The following SLC6A11 variants were observed in gnomAD, a reference collection of about 807,000 sequenced individuals.
SLC6A11 encodes solute carrier family 6 member 11, also known as sodium- and chloride-dependent GABA transporter 3.
In SLC6A11, 25 loss-of-function variants were observed where a neutral mutation model predicts 74.8. The observed-to-expected ratio is 0.33, with a 90% CI of 0.24 to 0.47. The LOEUF (loss-of-function observed/expected upper bound fraction) is 0.47, where lower values mean the gene tolerates loss of function less well. Among genes scored for constraint, SLC6A11 ranks in the 20% least tolerant of loss-of-function variants. The pLI is 1.00. For synonymous variants in SLC6A11, 330 were observed against 330.2 expected, an observed-to-expected ratio of 1.00 and a Z score of 0.01; for missense variants, 574 against 837.0, an observed-to-expected ratio of 0.69 and a Z score of 3.88.
At chr3:10,935,734 T>C (rs1695752847) in intron 13 of SLC6A11, among the ~76,000 whole-genome samples, 1 of 152,232 alleles carries the variant, frequency 6.6e-6, no homozygotes. Flanking sequence ...GCAGATCACA[T>C]GGTTAAAGAC....
chr3:10,916,087 C>G (rs1294639910), intron 7 of SLC6A11, among the ~76,000 whole-genome samples: 1 of 152,206 alleles, frequency 6.6e-6, no homozygotes, highest in Non-Finnish European at 1.5e-5. Flanking sequence ...GCTTTCCTCC[C>G]TGGTATCATC....
intron 8 of SLC6A11, among the ~76,000 whole-genome samples, chr3:10,924,415 A>G (rs1419528366): frequency 6.7e-6 from 1 of 149,064 alleles, no homozygotes; most frequent in Non-Finnish European, 1.5e-5. Flanking sequence ...GGAACCTACA[A>G]AAAAAGTAAT....
At chr3:10,855,042 T>C (rs887652154) in intron 5 of SLC6A11, among the ~76,000 whole-genome samples, 19 of 151,806 alleles carry the variant, frequency 1.3e-4, no homozygotes, top group Admixed American at 1.2e-3. Flanking sequence ...GGTGGGTAGG[T>C]AGATAGGTAG....
chr3:10,848,688 G>A (rs1694536344), intron 5 of SLC6A11, among the ~76,000 whole-genome samples: 2 of 152,224 alleles, frequency 1.3e-5, no homozygotes, highest in African/African-American at 4.8e-5. Context: ...CGCAGAGCAT[G>A]CGACCTGCTA....
intron 6 of SLC6A11, among the ~76,000 whole-genome samples, chr3:10,887,689 G>A (rs1053512577): frequency 6.6e-6 from 1 of 152,116 alleles, no homozygotes; most frequent in Non-Finnish European, 1.5e-5. Flanking sequence ...CAAGTGATCT[G>A]CCCGTCTCAG....
At chr3:10,905,321 G>A (rs906869655) in intron 6 of SLC6A11, among the ~76,000 whole-genome samples, 2 of 152,202 alleles carry the variant, frequency 1.3e-5, no homozygotes, top group African/African-American at 4.8e-5. Flanking sequence ...TGGGAGTGAA[G>A]GCAACCCTCA....
intron 6 of SLC6A11, among the ~76,000 whole-genome samples, chr3:10,899,468 A>G (rs1695211249): frequency 1.3e-5 from 2 of 152,190 alleles, no homozygotes; most frequent in Non-Finnish European, 2.9e-5. Context: ...CCTACTTGGG[A>G]ACTTTGAGTG....
At chr3:10,912,683 G>A (rs762267130) in intron 7 of SLC6A11, among the ~76,000 whole-genome samples, 12 of 152,252 alleles carry the variant, frequency 7.9e-5, no homozygotes, top group Non-Finnish European at 1.6e-4. Flanking sequence ...ACCAGGGCTG[G>A]GAGGGGGTTC....
At chr3:10,869,269 C>T (rs941888369) in intron 5 of SLC6A11, among the ~76,000 whole-genome samples, 57 of 152,194 alleles carry the variant, frequency 3.7e-4, no homozygotes, top group African/African-American at 1.3e-3. Context: ...TGGGATGGGG[C>T]TCAGGGAGGA....
chr3:10,934,394 G>T (rs932795343), intron 12 of SLC6A11, among the ~76,000 whole-genome samples: 1 of 152,150 alleles, frequency 6.6e-6, no homozygotes, highest in Non-Finnish European at 1.5e-5. Flanking sequence ...GGAGCACAGC[G>T]CCTCCCTTCT....
chr3:10,873,627 A>ATCCTATCCTG (rs138507797), intron 5 of SLC6A11, among the ~76,000 whole-genome samples: 4,820 of 136,048 alleles, frequency 0.035, 342 homozygotes, highest in African/African-American at 0.13. Context: ...ATCCTATCCT[A>ATCCTATCCTG]TCCTGTCCTG....
At chr3:10,854,581 A>G (rs1694615989) in intron 5 of SLC6A11, among the ~76,000 whole-genome samples, 1 of 152,150 alleles carries the variant, frequency 6.6e-6, no homozygotes, top group Non-Finnish European at 1.5e-5. Flanking sequence ...TAATTTTCCC[A>G]GCAGCCTTCC....
chr3:10,866,835 G>A (rs1462093664), intron 5 of SLC6A11, among the ~76,000 whole-genome samples: 1 of 152,164 alleles, frequency 6.6e-6, no homozygotes, highest in Non-Finnish European at 1.5e-5. Flanking sequence ...CAAAAATTGT[G>A]AGGAGGCCAC....
In SLC6A11 at chr3:10,933,142, G is replaced by A. The variant is rs746545664; in HGVS notation, c.1372-9G>A. 1.3e-5 allele frequency: 21 copies of A among 1,608,628 alleles called. 1 individual carries two copies. In the Middle Eastern group the frequency reaches 5.0e-4, roughly 38 times the overall value. On this transcript the variant is annotated splice_polypyrimidine_tract_variant and intron_variant, in intron 10 of 13. Coordinates refer to ENST00000254488, the MANE Select transcript of SLC6A11 (RefSeq NM_014229.3). ...CCTCCCATCCGTGTGTCTGTTCCCC[G>A]ACCTGCAGGGTGGCATGTACATCTT...
At chr3:10,865,277 C>T (rs183495516) in intron 5 of SLC6A11, among the ~76,000 whole-genome samples, 7 of 152,342 alleles carry the variant, frequency 4.6e-5, no homozygotes, top group Non-Finnish European at 7.3e-5. Flanking sequence ...TCTCATGGAC[C>T]GCCAAGCCCA....
chr3:10,825,564 C>T (rs915240297), intron 4 of SLC6A11: 6 of 151,770 alleles, frequency 4.0e-5, no homozygotes, highest in Non-Finnish European at 5.9e-5. Context: ...AAGTCGAATT[C>T]GTCGATTTTT....
intron 6 of SLC6A11, among the ~76,000 whole-genome samples, chr3:10,895,232 TGA>T (rs1695156552): frequency 6.6e-6 from 1 of 152,212 alleles, no homozygotes; most frequent in African/African-American, 2.4e-5. Context: ...TTTTTTAATT[TGA>T]GAGAGTGCAT....
Position 10,910,436 on chromosome 3 carries a change from G to A in SLC6A11, c.892-1654G>A, listed in dbSNP as rs139845576. On this transcript the variant is annotated intron_variant, in intron 6 of 13. Transcript: ENST00000254488. ...GATGTGGCCTGCGTGCCCCCAGAAC[G>A]AGGAAAACAGGAAGAGAGAGTTCAT... is the stretch of plus-strand genomic sequence containing the variant. 3.7e-3 allele frequency among the ~76,000 whole-genome samples: 566 copies of A among 152,274 alleles called. 4 individuals are homozygous for A. The highest frequency in any genetic ancestry group is 0.013 in the African/African-American group (538 of 41,548).
rs150005869 is a variant in SLC6A11 at position 10,918,105 on chromosome 3, G to A, written c.996-224G>A. ...CATGCTGGCTCTATGCTTCTGATTCGTGACCTACCTTACCTTCTAGAAATT... is the reference window on the plus strand; with the variant it reads ...CATGCTGGCTCTATGCTTCTGATTCATGACCTACCTTACCTTCTAGAAATT... On this transcript the variant is annotated intron_variant, in intron 7 of 13. Coordinates refer to ENST00000254488, the MANE Select transcript of SLC6A11 (RefSeq NM_014229.3). The surrounding 1 kb of genome is among the most constrained non-coding windows in gnomAD (Gnocchi z 4.5). 6.6e-6 allele frequency among the ~76,000 whole-genome samples: 1 copy of A among 152,146 alleles called. No individual in the cohort carries two copies. The highest frequency in any genetic ancestry group is 2.4e-5 in the African/African-American group (1 of 41,496).
Sources: gnomAD v4.1 joint callset for allele counts (sites outside exome capture counted in the v4.1 genomes callset) on GRCh38, gnomAD v4.1.1 for gene constraint, Gnocchi (gnomAD v3.1) non-coding constraint, MANE v1.5 for transcripts, NCBI Gene and HGNC (gene_info 2026-07-23, HGNC 2026-07-21) for gene names.